HCN2: variants seen among roughly 807,000 people sequenced by gnomAD.
HCN2 encodes the protein hyperpolarization activated cyclic nucleotide gated potassium and sodium channel 2.
A neutral mutation model predicts 52.3 loss-of-function variants in HCN2; 20 were observed. That is an observed-to-expected ratio of 0.38 (90% CI 0.27 to 0.56). The LOEUF (loss-of-function observed/expected upper bound fraction) is 0.56, where lower values mean the gene tolerates loss of function less well. HCN2 is among the 20% of genes least tolerant of loss of function. The pLI is 0.71. For synonymous variants in HCN2, 694 were observed against 537.0 expected (o/e 1.29, Z -4.04); for missense variants, 981 against 1,207.7 (o/e 0.81, Z 2.78).
intron 5 of HCN2, 134 bp downstream of exon 5, chr19:610,539 C>A (rs763065325): frequency 1.8e-5 from 13 of 728,852 alleles, no homozygotes; most frequent in Non-Finnish European, 2.7e-5. Context: ...GCTAGACCTG[C>A]GTACACACCC....
At chr19:615,409 G>A (rs938363815) in intron 7 of HCN2, among the ~76,000 whole-genome samples, 11 of 152,172 alleles carry the variant, frequency 7.2e-5, no homozygotes, top group African/African-American at 2.7e-4. Context: ...AGCTACTCGG[G>A]AGGATGAGGC....
intron 5 of HCN2, among the ~76,000 whole-genome samples, chr19:610,711 G>A (rs1983594396): frequency 6.6e-6 from 1 of 152,210 alleles, no homozygotes; most frequent in Non-Finnish European, 1.5e-5. Flanking sequence ...GCCCCGCTGA[G>A]CACCAGGTCC....
intron 1 of HCN2, among the ~76,000 whole-genome samples, chr19:596,944 C>T (rs1009336848): frequency 5.9e-5 from 9 of 152,156 alleles, no homozygotes; most frequent in Admixed American, 1.3e-4. Flanking sequence ...ACAGTGACGC[C>T]CTGCAGGGCT....
intron 5 of HCN2, among the ~76,000 whole-genome samples, chr19:611,313 G>A (rs547089862): frequency 1.9e-4 from 29 of 152,338 alleles, no homozygotes; most frequent in East Asian, 5.8e-4. Context: ...GATGGCGGCC[G>A]TGATCACGCA....
Position 610,276 on chromosome 19 carries a change from G to A in HCN2, c.1455G>A (p.Gln485=), listed in dbSNP as rs759893288. Residue 485 remains glutamine (Q), a synonymous_variant, in exon 5 of 8, where the codon CAG becomes CAA. Coordinates refer to ENST00000251287, the MANE Select transcript of HCN2 (RefSeq NM_001194.4). Reference sequence around the variant, plus strand: ...CCCCACAGTACAAGCAGGTGGAGCAGTACATGTCCTTCCACAAGCTGCCAG... The same window carrying A: ...CCCCACAGTACAAGCAGGTGGAGCAATACATGTCCTTCCACAAGCTGCCAG... ...QYQEKYKQVE[Q]YMSFHKLPAD... is the part of the protein sequence containing the mutation. 15 of 1,613,472 alleles carry A rather than the reference G, an allele frequency of 9.3e-6. No homozygotes were observed. The Admixed American group carries it at 2.2e-4, about 23-fold the overall frequency.
intron 1 of HCN2, 67 bp from the exon 2 acceptor site, chr19:603,477 C>T (rs2144516074): frequency 7.6e-7 from 1 of 1,323,482 alleles, no homozygotes; most frequent in Non-Finnish European, 1.1e-6. Context: ...AGGAAGAGTG[C>T]CCGGGGCTGG....
chr19:591,131 G>A lies in HCN2; in HGVS notation c.632+554G>A, dbSNP rs1156693607. The A allele has an allele frequency of 2.6e-5, 4 of 151,934 alleles. No homozygotes were observed. The highest frequency in any genetic ancestry group is 9.7e-5 in the African/African-American group (4 of 41,372). The allele number at this position is 151,934 out of a possible 1,614,324, so 9.4% of individuals were successfully genotyped here. ...CCCGAGCCGCGGGCGGTGCGCGCAT[G>A]CGGCGGTGGGTGTGTAGACGCCGCT... On this transcript the variant is annotated intron_variant, in intron 1 of 7. Transcript: ENST00000251287. The surrounding 1 kb of genome is among the most constrained non-coding windows in gnomAD (Gnocchi z 4.1).
At chr19:615,371 G>A (rs1183602676) in intron 7 of HCN2, among the ~76,000 whole-genome samples, 3 of 152,050 alleles carry the variant, frequency 2.0e-5, no homozygotes, top group Admixed American at 1.3e-4. Context: ...AAAATTAGCC[G>A]GGTGTGGTGG....
intron 5 of HCN2, among the ~76,000 whole-genome samples, chr19:612,880 G>A (rs1322153421): frequency 1.3e-5 from 2 of 149,302 alleles, no homozygotes; most frequent in African/African-American, 2.5e-5. Flanking sequence ...GGGTCTTACC[G>A]TGTTGCCCAG....
chr19:590,050 G>C lies in HCN2; in HGVS notation c.105G>C (p.Pro35=). The C allele has an allele frequency of 1.6e-5, 10 of 627,046 alleles. No homozygotes were observed. Among genetic ancestry groups the C allele is most frequent in the Non-Finnish European group, 1.9e-5 (10 of 515,502 alleles). 38.8% of individuals were successfully genotyped at this position (627,046 alleles called of 1,614,324 possible). Residue 35 remains proline (P), a synonymous_variant, in exon 1 of 8, where the codon CCG becomes CCC. Transcript: ENST00000251287. The surrounding 1 kb of genome is among the most constrained non-coding windows in gnomAD (Gnocchi z 7.2). ...PPPPAPPQQQ[P]PPPPPPAPPP... ...CGCCCGCGCCCCCCCAACAGCAGCC[G>C]CCGCCGCCGCCGCCGCCCGCGCCCC...
At position 590,119 on chromosome 19, in the gene HCN2, C is replaced by T; in HGVS notation, c.174C>T (p.Ala58=). 3.4e-6 allele frequency: 3 copies of T among 877,354 alleles called. No homozygotes were observed. The highest frequency in any genetic ancestry group is 5.0e-5 in the South Asian group (1 of 20,018). 54.3% of individuals were successfully genotyped at this position (877,354 alleles called of 1,614,324 possible). Residue 58 remains alanine (A), a synonymous_variant, in exon 1 of 8, where the codon GCC becomes GCT. Transcript: ENST00000251287. The surrounding 1 kb of genome is among the most constrained non-coding windows in gnomAD (Gnocchi z 7.2). ...GPAPPQHPPR[A]EALPPEAADE... ...CGCCCCCCCAGCACCCGCCCCGGGC[C>T]GAGGCGTTGCCCCCGGAGGCGGCGG...
chr19:598,507 T>C (rs1444884327), intron 1 of HCN2, among the ~76,000 whole-genome samples: 1 of 152,076 alleles, frequency 6.6e-6, no homozygotes, highest in Non-Finnish European at 1.5e-5. Flanking sequence ...GATCTCACTA[T>C]CTTGCCCAGG....
chr19:614,679 C>A (rs535102067), intron 7 of HCN2, among the ~76,000 whole-genome samples: 1 of 151,694 alleles, frequency 6.6e-6, no homozygotes, highest in Non-Finnish European at 1.5e-5. Flanking sequence ...GCCCAGTGGG[C>A]GGCAGGGAGA....
Position 616,920 on chromosome 19 carries a change from C to T in HCN2, c.*446C>T, listed in dbSNP as rs574923105. 153 of 348,242 alleles carry T rather than the reference C, an allele frequency of 4.4e-4. 2 individuals carry two copies. Among genetic ancestry groups the T allele is most frequent in the South Asian group, 2.4e-3 (90 of 38,252 alleles). The allele number at this position is 348,242 out of a possible 1,614,324, so 21.6% of individuals were successfully genotyped here. On this transcript the variant is annotated 3_prime_UTR_variant, in exon 8 of 8. Transcript: ENST00000251287. The stretch of plus-strand genomic sequence containing the variant: ...GCCCCCATCGCGCTCACGCAATAAC[C>T]GGCCCGGCCCCCGTCCGCGCGCGTC...
At position 605,183 on chromosome 19, in the gene HCN2, C is replaced by T. The variant is rs1351941845; in HGVS notation, c.1179C>T (p.Asp393=). The T allele has an allele frequency of 8.7e-6, 14 of 1,610,932 alleles. No individual in the cohort carries two copies. Among genetic ancestry groups the T allele is most frequent in the Non-Finnish European group, 1.2e-5 (14 of 1,179,584 alleles). ...CLQFLVPMLQ[D]FPRNCWVSIN... ...AGTTCCTGGTGCCTATGCTGCAGGACTTCCCGCGCAACTGCTGGGTGTCCA... is the reference window on the plus strand; with the variant it reads ...AGTTCCTGGTGCCTATGCTGCAGGATTTCCCGCGCAACTGCTGGGTGTCCA... The change falls in exon 3 of 8, where the codon GAC becomes GAT. Residue 393 remains aspartate, a synonymous_variant. Coordinates refer to ENST00000251287, the MANE Select transcript of HCN2 (RefSeq NM_001194.4).
chr19:601,460 T>A (rs1983198849), intron 1 of HCN2, among the ~76,000 whole-genome samples: 1 of 152,194 alleles, frequency 6.6e-6, no homozygotes, highest in South Asian at 2.1e-4. Context: ...CTCCGTTTGG[T>A]GATGGGCACC....
chr19:611,077 G>A (rs1983615922), intron 5 of HCN2, among the ~76,000 whole-genome samples: 1 of 152,184 alleles, frequency 6.6e-6, no homozygotes, highest in Admixed American at 6.5e-5. Flanking sequence ...TCCGTCGTTG[G>A]ATCAGGGCCC....
chr19:610,228 T>C (rs1305696811), intron 4 of HCN2, 31 bp from the exon 5 acceptor site: 6 of 1,604,618 alleles, frequency 3.7e-6, no homozygotes, highest in Non-Finnish European at 5.1e-6. Context: ...CCGGGGGCGG[T>C]GTCTGACCCA....
chr19:616,461 C>T lies in HCN2; in HGVS notation c.2657C>T (p.Ser886Leu). Reference protein sequence around the residue: ...DPQDSARSRLSSNL With the variant: ...DPQDSARSRLLSNL ...CAGGACTCCGCGCGCTCGCGCCTCT[C>T]GTCCAACTTGTGACCCTCGCCGACC... Residue 886 changes from serine (S) to leucine (L), a missense_variant, in exon 8 of 8, where the codon TCG (serine) becomes TTG (leucine). Physicochemically the swap from Ser to Leu is moderately radical, Grantham distance 145 (BLOSUM62 -2). This residue lies in a region of HCN2 where 368 missense variants were observed against 314.8 expected (regional missense o/e 1.17). Transcript: ENST00000251287. 3 of 1,237,424 alleles carry T rather than the reference C, an allele frequency of 2.4e-6. No homozygotes were observed. The highest frequency in any genetic ancestry group is 2.2e-5 in the South Asian group (1 of 44,792). 76.7% of individuals were successfully genotyped at this position (1,237,424 alleles called of 1,614,324 possible). A position where few individuals can be genotyped will look rare whatever the true frequency, so the allele number is the denominator to read the frequency against.
Sources: allele counts gnomAD v4.1 joint callset (sites outside exome capture counted in the v4.1 genomes callset), GRCh38; gene constraint gnomAD v4.1.1; regional missense constraint gnomAD v4.1.1; non-coding constraint Gnocchi (gnomAD v3.1); transcripts MANE v1.5; gene names NCBI Gene and HGNC (gene_info 2026-07-23, HGNC 2026-07-21).